RPS6KC1: variants seen among roughly 807,000 people sequenced by gnomAD.
RPS6KC1 encodes the protein ribosomal protein S6 kinase C1.
Under a neutral mutation model 103.8 loss-of-function variants are expected in RPS6KC1, and 54 were observed. The ratio of observed to expected loss-of-function variants is 0.52; its 90% CI spans 0.42 to 0.65. The LOEUF is 0.65. Ranked by LOEUF, RPS6KC1 falls within the 30% of genes least tolerant of loss-of-function variation. The pLI is 0.00. For synonymous variants in RPS6KC1, 439 were observed against 438.7 expected (o/e 1.00, Z -0.01); for missense variants, 1,151 against 1,253.8 (o/e 0.92, Z 1.24).
chr1:213,475,237 A>G, the RPS6KC1 span, among the ~76,000 whole-genome samples: 1 of 152,174 alleles, frequency 6.6e-6, no homozygotes, highest in African/African-American at 2.4e-5. Context: ...GATTTTTGCC[A>G]TGGGCCTCCT....
At chr1:213,091,199 A>G (rs1355622787) in intron 3 of RPS6KC1, among the ~76,000 whole-genome samples, 1 of 152,022 alleles carries the variant, frequency 6.6e-6, no homozygotes, top group East Asian at 1.9e-4. Flanking sequence ...CTGGGACTAC[A>G]GGTGCCAGCC....
downstream of RPS6KC1, among the ~76,000 whole-genome samples, chr1:213,278,141 G>C (rs1489568186): frequency 6.6e-6 from 1 of 151,914 alleles, no homozygotes; most frequent in Non-Finnish European, 1.5e-5. Context: ...GGAGGTCAAG[G>C]CTGCAGTGAA....
the RPS6KC1 span, among the ~76,000 whole-genome samples, chr1:213,595,482 C>T: frequency 6.6e-6 from 1 of 152,192 alleles, no homozygotes; most frequent in Middle Eastern, 3.2e-3. Flanking sequence ...AGAGGACATT[C>T]CAACCACGTT....
the RPS6KC1 span, among the ~76,000 whole-genome samples, chr1:213,299,194 C>A: frequency 1.4e-4 from 22 of 152,198 alleles, no homozygotes; most frequent in Non-Finnish European, 2.2e-4. Context: ...CTTTGTATGA[C>A]CTAGCTGCAG....
chr1:213,858,083 A>C, the RPS6KC1 span, among the ~76,000 whole-genome samples: 3 of 152,236 alleles, frequency 2.0e-5, no homozygotes, highest in Non-Finnish European at 4.4e-5. Context: ...TCATCTGATC[A>C]TCTCAACCAC....
the RPS6KC1 span, among the ~76,000 whole-genome samples, chr1:213,604,179 C>A: frequency 6.6e-6 from 1 of 152,220 alleles, no homozygotes; most frequent in African/African-American, 2.4e-5. Flanking sequence ...TCCTTCCAGG[C>A]ATTTATCAAT....
chr1:213,591,525 A>G, the RPS6KC1 span, among the ~76,000 whole-genome samples: 3 of 152,150 alleles, frequency 2.0e-5, no homozygotes, highest in African/African-American at 7.2e-5. Context: ...GGTTGTAACA[A>G]TGGCACTGCA....
chr1:213,750,375 C>G, the RPS6KC1 span, among the ~76,000 whole-genome samples: 1 of 152,254 alleles, frequency 6.6e-6, no homozygotes, highest in South Asian at 2.1e-4. Flanking sequence ...TTATCCCCCT[C>G]TCTGTTGACT....
At chr1:213,855,978 G>C in the RPS6KC1 span, among the ~76,000 whole-genome samples, 1 of 152,226 alleles carries the variant, frequency 6.6e-6, no homozygotes, top group African/African-American at 2.4e-5. Flanking sequence ...TGCCTGGGCA[G>C]AGGCTGCAGG....
intron 14 of RPS6KC1, among the ~76,000 whole-genome samples, chr1:213,263,358 A>G (rs899764741): frequency 7.9e-5 from 12 of 152,318 alleles, no homozygotes; most frequent in Admixed American, 7.8e-4. Context: ...AAAGTTCAGT[A>G]TCCCAGAGAC....
At chr1:213,621,067 A>G in the RPS6KC1 span, among the ~76,000 whole-genome samples, 717 of 152,288 alleles carry the variant, frequency 4.7e-3, 11 homozygotes, top group African/African-American at 0.017. Flanking sequence ...GCCCAGGTGC[A>G]GAGGATCCAG....
At chr1:213,367,499 C>T in the RPS6KC1 span, among the ~76,000 whole-genome samples, 1 of 152,222 alleles carries the variant, frequency 6.6e-6, no homozygotes, top group African/African-American at 2.4e-5. Flanking sequence ...GTGAAATCAA[C>T]CACGTCTTCA....
chr1:213,586,391 C>T, the RPS6KC1 span, among the ~76,000 whole-genome samples: 5 of 152,202 alleles, frequency 3.3e-5, no homozygotes, highest in African/African-American at 1.2e-4. Flanking sequence ...GGAAATAAAT[C>T]TGGGAGCCTG....
chr1:213,544,591 T>C, the RPS6KC1 span, among the ~76,000 whole-genome samples: 1 of 152,164 alleles, frequency 6.6e-6, no homozygotes, highest in African/African-American at 2.4e-5. Context: ...GCCATGGAGC[T>C]ACATATAGGT....
chr1:213,860,096 T>C, the RPS6KC1 span, among the ~76,000 whole-genome samples: 1 of 151,348 alleles, frequency 6.6e-6, no homozygotes, highest in Admixed American at 6.6e-5. Flanking sequence ...GGTGTAAATA[T>C]AGATACGTAT....
At chr1:213,227,923 G>C (rs2093997383) in intron 8 of RPS6KC1, among the ~76,000 whole-genome samples, 1 of 152,128 alleles carries the variant, frequency 6.6e-6, no homozygotes, top group African/African-American at 2.4e-5. Flanking sequence ...TTTAAGGTCT[G>C]TACCTTAATT....
chr1:213,280,614 C>G, the RPS6KC1 span, among the ~76,000 whole-genome samples: 1 of 152,080 alleles, frequency 6.6e-6, no homozygotes, highest in Non-Finnish European at 1.5e-5. Flanking sequence ...TTGGTTTTAC[C>G]TTTTAAAAAT....
intron 10 of RPS6KC1, among the ~76,000 whole-genome samples, chr1:213,238,509 G>A (rs1172639830): frequency 6.6e-6 from 1 of 152,120 alleles, no homozygotes; most frequent in African/African-American, 2.4e-5. Flanking sequence ...CATAAGATCT[G>A]TGCTGAAATA....
At chr1:213,191,703 C>A (rs2092751293) in intron 8 of RPS6KC1, among the ~76,000 whole-genome samples, 1 of 151,966 alleles carries the variant, frequency 6.6e-6, no homozygotes, top group South Asian at 2.1e-4. Flanking sequence ...AAATGGGCAT[C>A]CTTGTTATAT....
Sources: allele counts gnomAD v4.1 joint callset (sites outside exome capture counted in the v4.1 genomes callset), GRCh38; gene constraint gnomAD v4.1.1; transcripts MANE v1.5; gene names NCBI Gene and HGNC (gene_info 2026-07-23, HGNC 2026-07-21).